Variants in KCNMA1 observed in about 807,000 individuals in gnomAD.
The protein encoded by KCNMA1 is Calcium-activated potassium channel subunit alpha-1.
A neutral mutation model predicts 140.0 loss-of-function variants in KCNMA1; 29 were observed. The ratio of observed to expected loss-of-function variants is 0.21; its 90% CI spans 0.15 to 0.28. KCNMA1 has a LOEUF of 0.28. KCNMA1 is among the 10% of genes least tolerant of loss of function. The pLI, the probability that KCNMA1 is intolerant of heterozygous loss-of-function variation, is 1.00. For missense variants in KCNMA1, 880 were observed against 1,602.2 expected, an observed-to-expected ratio of 0.55 and a Z score of 7.70; for synonymous variants, 612 against 611.9, an observed-to-expected ratio of 1.00 and a Z score of 0.00.
chr10:76,904,263 G>C (rs2152267809), intron 25 of KCNMA1: 1 of 152,306 alleles, frequency 6.6e-6, no homozygotes, highest in East Asian at 1.9e-4. Context: ...CCTCCTCCAA[G>C]TCACTGCCTT....
chr10:77,631,105 CCAAAAAA>C (rs1389227697), intron 1 of KCNMA1, among the ~76,000 whole-genome samples: 1,054 of 90,172 alleles, frequency 0.012, 24 homozygotes, highest in African/African-American at 0.039. Flanking sequence ...AGACCCTGTC[CCAAAAAA>C]AAAAAAAAAA....
chr10:76,968,658 G>A (rs562070533), intron 20 of KCNMA1, among the ~76,000 whole-genome samples: 1 of 152,296 alleles, frequency 6.6e-6, no homozygotes, highest in East Asian at 1.9e-4. Context: ...TTGGCAGTTG[G>A]CACATTTTAT....
intron 1 of KCNMA1, among the ~76,000 whole-genome samples, chr10:77,579,569 G>T (rs575150505): frequency 9.2e-5 from 14 of 152,162 alleles, no homozygotes; most frequent in African/African-American, 3.4e-4. Context: ...TAAAGAGATA[G>T]AACCCATCCT....
At chr10:77,232,884 CCA>C (rs2054075938) in intron 3 of KCNMA1, among the ~76,000 whole-genome samples, 1 of 110,802 alleles carries the variant, frequency 9.0e-6, no homozygotes, top group South Asian at 3.5e-4. Flanking sequence ...TATCCCAGCA[CCA>C]TTTTTTTTTT....
At chr10:77,529,856 G>C (rs892036473) in intron 1 of KCNMA1, among the ~76,000 whole-genome samples, 2 of 152,096 alleles carry the variant, frequency 1.3e-5, no homozygotes, top group Non-Finnish European at 2.9e-5. Context: ...GGAGTGGACA[G>C]CCTGGCCTTG....
At chr10:77,309,426 A>G (rs768328312) in intron 2 of KCNMA1, 1 of 152,268 alleles carries the variant, frequency 6.6e-6, no homozygotes, top group Non-Finnish European at 1.5e-5. Context: ...GCAAGGTTCT[A>G]ATAAACAGTA....
chr10:76,986,723 A>G (rs2081364337), intron 19 of KCNMA1, among the ~76,000 whole-genome samples: 1 of 152,236 alleles, frequency 6.6e-6, no homozygotes, highest in Non-Finnish European at 1.5e-5. Context: ...ATCCAAATTT[A>G]TTTGGGATAA....
At chr10:76,874,092 G>A (rs1042281622), downstream of KCNMA1, 1 of 152,242 alleles carries the variant, frequency 6.6e-6, no homozygotes, top group African/African-American at 2.4e-5. Flanking sequence ...GGGAAGGCAG[G>A]GATGAAACTG....
chr10:77,419,700 C>A (rs1566731262), intron 1 of KCNMA1, among the ~76,000 whole-genome samples: 1 of 151,980 alleles, frequency 6.6e-6, no homozygotes, highest in African/African-American at 2.4e-5. Flanking sequence ...TTTTTAAAGT[C>A]TTTAAAAAAT....
intron 2 of KCNMA1, among the ~76,000 whole-genome samples, chr10:77,394,839 A>C (rs1373664829): frequency 2.0e-5 from 3 of 152,290 alleles, no homozygotes; most frequent in African/African-American, 7.2e-5. Context: ...GTTTCTTTAC[A>C]GGGACAGATG....
Position 77,498,090 on chromosome 10 carries a change from G to GA in KCNMA1, c.379-94068dup, listed in dbSNP as rs112460564. 5.5e-3 allele frequency among the ~76,000 whole-genome samples: 816 copies of GA among 147,882 alleles called. 6 individuals are homozygous for GA. The highest frequency in any genetic ancestry group is 0.016 in the African/African-American group (665 of 40,442). ...ATGTGCCAAAAACCTAAAGGAATCT[G>GA]AAAAAAAAAAATCAGTTATGCAGAA... On this transcript the variant is annotated intron_variant, in intron 1 of 27. Coordinates refer to ENST00000286628, the MANE Select transcript of KCNMA1 (RefSeq NM_001161352.2).
At chr10:77,611,003 T>C (rs2086660591) in intron 1 of KCNMA1, among the ~76,000 whole-genome samples, 1 of 152,224 alleles carries the variant, frequency 6.6e-6, no homozygotes, top group South Asian at 2.1e-4. Context: ...CTGAGCCAAA[T>C]TACTTGGCCT....
chr10:77,307,363 G>A (rs1487327990), intron 2 of KCNMA1, among the ~76,000 whole-genome samples: 1 of 152,104 alleles, frequency 6.6e-6, no homozygotes, highest in African/African-American at 2.4e-5. Context: ...AAAGCAATGG[G>A]TATTCAGAAG....
At chr10:77,424,431 C>T (rs2096931709) in intron 1 of KCNMA1, among the ~76,000 whole-genome samples, 1 of 152,216 alleles carries the variant, frequency 6.6e-6, no homozygotes, top group African/African-American at 2.4e-5. Context: ...GCAGCTGATT[C>T]TGGAGCTGGT....
chr10:77,318,099 C>T (rs925698125), intron 2 of KCNMA1, among the ~76,000 whole-genome samples: 6 of 152,108 alleles, frequency 3.9e-5, no homozygotes, highest in African/African-American at 1.4e-4. Context: ...GTGTAATTAC[C>T]ATAGGCTCAG....
In KCNMA1 at chr10:77,636,464, C is replaced by T. The variant is rs528646899; in HGVS notation, c.378+801G>A. ...AAAACCGCGGCCTCAGGCGGACTCC[C>T]GCTCCAGCTCCGCGCTGCTGGTGGC... On this transcript the variant is annotated intron_variant, in intron 1 of 27. Transcript: ENST00000286628. The T allele has an allele frequency of 2.0e-5, 30 of 1,536,198 alleles. No individual in the cohort carries two copies. The highest frequency in any genetic ancestry group is 5.5e-5 in the African/African-American group (4 of 73,196).
intron 16 of KCNMA1, chr10:77,019,962 T>A (rs929025555): frequency 6.6e-6 from 1 of 152,160 alleles, no homozygotes; most frequent in Non-Finnish European, 1.5e-5. Context: ...AAGAGATAAA[T>A]GTATCCTAAT....
At chr10:77,542,562 G>A (rs2060429212) in intron 1 of KCNMA1, among the ~76,000 whole-genome samples, 1 of 152,218 alleles carries the variant, frequency 6.6e-6, no homozygotes, top group South Asian at 2.1e-4. Flanking sequence ...ATAGCTCTGT[G>A]TTGAGCCTAG....
rs147085616 is a variant in KCNMA1, at chr10:77,633,446, T to C, written c.378+3819A>G. On this transcript the variant is annotated intron_variant, in intron 1 of 27. Coordinates refer to ENST00000286628, the MANE Select transcript of KCNMA1 (RefSeq NM_001161352.2). Reference sequence around the variant, plus strand: ...AGAACTCCTCCAAGGCCACCCCAAGTGATCTGCTCAAAAAGGAGTATCTCA... The same window carrying C: ...AGAACTCCTCCAAGGCCACCCCAAGCGATCTGCTCAAAAAGGAGTATCTCA... Among the ~76,000 whole-genome samples, 442 of 152,200 alleles carry C rather than the reference T, an allele frequency of 2.9e-3. 5 individuals carry two copies. Among genetic ancestry groups the C allele is most frequent in the Non-Finnish European group, 2.7e-3 (185 of 68,000 alleles).
Sources: gnomAD v4.1 joint callset for allele counts (sites outside exome capture counted in the v4.1 genomes callset) on GRCh38, gnomAD v4.1.1 for gene constraint, MANE v1.5 for transcripts, NCBI Gene and HGNC (gene_info 2026-07-23, HGNC 2026-07-21) for gene names.